Variants in CCDC88C observed in about 807,000 individuals in gnomAD.
CCDC88C encodes the protein protein Daple.
A neutral mutation model predicts 198.8 loss-of-function variants in CCDC88C; 131 were observed. The observed-to-expected ratio is 0.66, with a 90% confidence interval of 0.57 to 0.76. The LOEUF (loss-of-function observed/expected upper bound fraction) is 0.76, where lower values mean the gene tolerates loss of function less well. Among genes scored for constraint, CCDC88C ranks in the 30% least tolerant of loss-of-function variants. The probability of loss-of-function intolerance (pLI) is 0.00; values close to 1 mark genes in which losing one functional copy is unlikely to be tolerated. For synonymous variants in CCDC88C, 1,166 were observed against 1,114.7 expected (o/e 1.05, Z -0.92); for missense variants, 2,553 against 2,631.6 (o/e 0.97, Z 0.65).
At chr14:91,335,102 C>A (rs760750567) in intron 10 of CCDC88C, among the ~76,000 whole-genome samples, 1 of 152,160 alleles carries the variant, frequency 6.6e-6, no homozygotes, top group Non-Finnish European at 1.5e-5. Context: ...CTCCCAGGGG[C>A]CAGAACTGCT....
chr14:91,349,678 T>G (rs543865506), intron 4 of CCDC88C, among the ~76,000 whole-genome samples: 2 of 152,202 alleles, frequency 1.3e-5, no homozygotes, highest in African/African-American at 4.8e-5. Flanking sequence ...CCTTACTACC[T>G]GCTTCCTGGA....
intron 3 of CCDC88C, among the ~76,000 whole-genome samples, chr14:91,396,382 G>C (rs890324002): frequency 6.6e-6 from 1 of 152,094 alleles, no homozygotes; most frequent in Admixed American, 6.5e-5. Flanking sequence ...GTCACAAAAG[G>C]AACTGGTTCC....
rs187882289 is a variant in CCDC88C at position 91,280,139 on chromosome 14, C to T, written c.4700-833G>A. 9.2e-5 allele frequency among the ~76,000 whole-genome samples: 14 copies of T among 152,348 alleles called. No homozygotes were observed. In the East Asian group the frequency reaches 1.2e-3, roughly 13 times the overall value. ...TATCTCGAGAGCAAACATGTCTACG[C>T]TGCTGTGCTATGAACCCCCGTGGCA... On this transcript the variant is annotated intron_variant, in intron 27 of 29. Transcript: ENST00000389857.
chr14:91,293,037 C>T (rs1890732963), intron 23 of CCDC88C, among the ~76,000 whole-genome samples: 1 of 152,044 alleles, frequency 6.6e-6, no homozygotes, highest in Admixed American at 6.5e-5. Context: ...CCCGTCCTCA[C>T]CTGCCACGGC....
At chr14:91,366,796 C>G (rs1433715440) in intron 3 of CCDC88C, among the ~76,000 whole-genome samples, 2 of 152,184 alleles carry the variant, frequency 1.3e-5, no homozygotes, top group African/African-American at 2.4e-5. Context: ...GGGTATAAGC[C>G]CTGTGAAGAC....
intron 3 of CCDC88C, among the ~76,000 whole-genome samples, chr14:91,374,460 G>T (rs1442480928): frequency 6.6e-6 from 1 of 152,226 alleles, no homozygotes; most frequent in Non-Finnish European, 1.5e-5. Flanking sequence ...GAACATAGGA[G>T]GAAGTGACAG....
At chr14:91,408,472 G>T in intron 3 of CCDC88C, 187 bp downstream of exon 3, 1 of 589,086 alleles carries the variant, frequency 1.7e-6, no homozygotes. Flanking sequence ...CCAAACAAAG[G>T]AAATCAACGC....
intron 17 of CCDC88C, among the ~76,000 whole-genome samples, chr14:91,307,727 C>T (rs1891620981): frequency 6.6e-6 from 1 of 152,174 alleles, no homozygotes; most frequent in African/African-American, 2.4e-5. Context: ...AGAGTGTGCA[C>T]ATTGAGAGCA....
At chr14:91,302,521 C>T (rs878905026) in intron 20 of CCDC88C, among the ~76,000 whole-genome samples, 3 of 152,206 alleles carry the variant, frequency 2.0e-5, no homozygotes, top group African/African-American at 7.2e-5. Flanking sequence ...GACAGAATCC[C>T]AGCCCAGATT....
In CCDC88C at chr14:91,401,829, T is replaced by C. The variant is rs528109625; in HGVS notation, c.270+6830A>G. Among the ~76,000 whole-genome samples the C allele has an allele frequency of 2.0e-5, 3 of 152,332 alleles. No individual in the cohort carries two copies. The East Asian group carries it at 5.8e-4, about 29-fold the overall frequency. ...GCCTCTTGTACCAGTAGCCATTGCC[T>C]GAGTGGACTCTAAGTTCCCTTGAAT... On this transcript the variant is annotated intron_variant, in intron 3 of 29. Coordinates refer to ENST00000389857, the MANE Select transcript of CCDC88C (RefSeq NM_001080414.4).
At chr14:91,409,762 A>G (rs1886706618) in intron 2 of CCDC88C, among the ~76,000 whole-genome samples, 1 of 152,198 alleles carries the variant, frequency 6.6e-6, no homozygotes, top group Non-Finnish European at 1.5e-5. Flanking sequence ...CCGGGATTAC[A>G]GGTGTGAGCC....
At chr14:91,334,585 T>C (rs1892970907) in intron 10 of CCDC88C, among the ~76,000 whole-genome samples, 1 of 152,210 alleles carries the variant, frequency 6.6e-6, no homozygotes, top group Admixed American at 6.5e-5. Context: ...CTGCTTTTAA[T>C]TGCATAGGAA....
intron 21 of CCDC88C, among the ~76,000 whole-genome samples, chr14:91,298,805 G>A (rs1004535052): frequency 1.3e-5 from 2 of 152,060 alleles, no homozygotes; most frequent in Non-Finnish European, 2.9e-5. Flanking sequence ...CTAACCCCCC[G>A]TATACACGAA....
chr14:91,289,029 G>T, intron 25 of CCDC88C, 76 bp downstream of exon 25: 1 of 1,239,844 alleles, frequency 8.1e-7, no homozygotes. Context: ...CTGCACACGT[G>T]TGCACAGCCA....
chr14:91,309,718 C>G (rs577176829), intron 16 of CCDC88C, 141 bp downstream of exon 16: 3 of 714,910 alleles, frequency 4.2e-6, no homozygotes, highest in Non-Finnish European at 6.1e-6. Context: ...GACCAAGGAA[C>G]TTTGGGTTCA....
chr14:91,343,348 TG>T (rs1893383582), intron 5 of CCDC88C, among the ~76,000 whole-genome samples: 1 of 152,182 alleles, frequency 6.6e-6, no homozygotes, highest in African/African-American at 2.4e-5. Context: ...ATTCCTACGC[TG>T]GGGACGATTT....
rs186911636 is a variant in CCDC88C, at chr14:91,381,927, G to A, written c.271-22216C>T. ...CTGCCTCCTTCTTGATGCCTTCCACGGTGTATTTTCTGAACAGCCCATTTT... is the reference window on the plus strand; with the variant it reads ...CTGCCTCCTTCTTGATGCCTTCCACAGTGTATTTTCTGAACAGCCCATTTT... On this transcript the variant is annotated intron_variant, in intron 3 of 29. Transcript: ENST00000389857. This position sits in a 1 kb window ranked among gnomAD's most constrained non-coding sequence, Gnocchi z 4.2. Among the ~76,000 whole-genome samples, 10 of 152,180 alleles carry A rather than the reference G, an allele frequency of 6.6e-5. No individual in the cohort carries two copies. The highest frequency in any genetic ancestry group is 4.2e-4 in the South Asian group (2 of 4,814).
chr14:91,379,223 C>T (rs1884636227), intron 3 of CCDC88C: 1 of 152,380 alleles, frequency 6.6e-6, no homozygotes, highest in Non-Finnish European at 1.5e-5. Context: ...CACTATGACC[C>T]AGCATCACAA....
chr14:91,281,403 A>G (rs1024770973), intron 27 of CCDC88C, 54 bp downstream of exon 27: 2 of 1,612,736 alleles, frequency 1.2e-6, no homozygotes, highest in African/African-American at 2.7e-5. Context: ...GGTACCGTGG[A>G]TAAAAACCAG....
Sources: gnomAD v4.1 joint callset for allele counts (sites outside exome capture counted in the v4.1 genomes callset) on GRCh38, gnomAD v4.1.1 for gene constraint, Gnocchi (gnomAD v3.1) non-coding constraint, MANE v1.5 for transcripts, NCBI Gene and HGNC (gene_info 2026-07-23, HGNC 2026-07-21) for gene names.